The following AFF3 variants were observed in gnomAD, a reference collection of about 807,000 sequenced individuals.
The protein encoded by AFF3 is AF4/FMR2 family member 3.
A neutral mutation model predicts 129.7 loss-of-function variants in AFF3; 32 were observed. The ratio of observed to expected loss-of-function variants is 0.25; its 90% CI spans 0.19 to 0.33. AFF3 has a LOEUF of 0.33. Among genes scored for constraint, AFF3 ranks in the 10% least tolerant of loss-of-function variants. The pLI is 1.00. For missense variants in AFF3, 1,373 were observed against 1,592.0 expected (o/e 0.86, Z 2.34); for synonymous variants, 644 against 635.4 (o/e 1.01, Z -0.20).
intron 13 of AFF3, among the ~76,000 whole-genome samples, chr2:99,638,741 G>A (rs543031622): frequency 6.6e-6 from 1 of 152,328 alleles, no homozygotes; most frequent in Non-Finnish European, 1.5e-5. Context: ...GGCATCTGCA[G>A]GATGTTTGCT....
chr2:99,669,080 G>A (rs1205625977), intron 12 of AFF3, among the ~76,000 whole-genome samples: 5 of 152,114 alleles, frequency 3.3e-5, no homozygotes, highest in South Asian at 2.1e-4. Context: ...TGGGACTTTC[G>A]ACTGGTACAA....
chr2:99,595,911 A>G (rs1679239906), intron 14 of AFF3, among the ~76,000 whole-genome samples: 1 of 152,214 alleles, frequency 6.6e-6, no homozygotes, highest in Non-Finnish European at 1.5e-5. Context: ...GATGGGACCA[A>G]CTGCCCTTTG....
chr2:100,139,418 T>G (rs1298858810), intron 1 of AFF3, among the ~76,000 whole-genome samples: 1 of 152,188 alleles, frequency 6.6e-6, no homozygotes, highest in African/African-American at 2.4e-5. Flanking sequence ...ATGGTAATTT[T>G]TCCATAAAGA....
chr2:99,577,576 T>C (rs1677119958), intron 18 of AFF3, among the ~76,000 whole-genome samples: 1 of 152,238 alleles, frequency 6.6e-6, no homozygotes, highest in Non-Finnish European at 1.5e-5. Context: ...TTTTTCCTTG[T>C]TCACCCAGCC....
At chr2:100,134,915 G>C (rs1178969647) in intron 1 of AFF3, among the ~76,000 whole-genome samples, 1 of 152,206 alleles carries the variant, frequency 6.6e-6, no homozygotes, top group Non-Finnish European at 1.5e-5. Flanking sequence ...CAGTGAACAG[G>C]GAGAGGCTGG....
chr2:99,744,453 T>C (rs1052040104), intron 9 of AFF3, among the ~76,000 whole-genome samples: 1 of 152,232 alleles, frequency 6.6e-6, no homozygotes, highest in Admixed American at 6.5e-5. Context: ...TTCATAAGGT[T>C]GTGCAACCAC....
chr2:99,553,918 CAAAAAAAAA>C lies in AFF3; in HGVS notation c.3559+384_3559+392del, dbSNP rs61326965. Among the ~76,000 whole-genome samples the C allele has an allele frequency of 3.3e-4, 19 of 56,974 alleles. 1 individual carries two copies. In the South Asian group the frequency reaches 0.013, roughly 38 times the overall value. 37.4% of individuals were successfully genotyped at this position (56,974 alleles called of 152,430 possible). ...AACAGAGCAAGATTCTGTCTCAAAC[CAAAAAAAAA>C]AAAAAAAAAAAAAAGAAAAAGAAAA... On this transcript the variant is annotated intron_variant, in intron 24 of 24. Transcript: ENST00000672756.
At chr2:99,945,260 T>C (rs893753676) in intron 7 of AFF3, among the ~76,000 whole-genome samples, 2 of 152,188 alleles carry the variant, frequency 1.3e-5, no homozygotes, top group African/African-American at 4.8e-5. Flanking sequence ...GCAAAACTAG[T>C]AGCAAAACAG....
chr2:100,095,175 G>C (rs1690187700), intron 4 of AFF3, among the ~76,000 whole-genome samples: 1 of 149,602 alleles, frequency 6.7e-6, no homozygotes. Flanking sequence ...TTTATTGATA[G>C]TAAACTGTAT....
chr2:99,875,209 C>A (rs1410210767), intron 7 of AFF3, among the ~76,000 whole-genome samples: 2 of 152,088 alleles, frequency 1.3e-5, no homozygotes, highest in Non-Finnish European at 2.9e-5. Context: ...AACCTCTGGG[C>A]CCTTGTCTCT....
chr2:99,624,821 A>G (rs1226216101), intron 13 of AFF3, among the ~76,000 whole-genome samples: 1 of 152,226 alleles, frequency 6.6e-6, no homozygotes, highest in Non-Finnish European at 1.5e-5. Context: ...CATGCTTCAG[A>G]GAAAGTGGCA....
intron 11 of AFF3, among the ~76,000 whole-genome samples, chr2:99,710,076 C>CA (rs1000238895): frequency 6.6e-6 from 1 of 152,196 alleles, no homozygotes. Context: ...CTTATCTATA[C>CA]AATGGGATAT....
intron 4 of AFF3, among the ~76,000 whole-genome samples, chr2:100,076,410 G>A (rs781369808): frequency 3.3e-5 from 5 of 152,094 alleles, no homozygotes; most frequent in South Asian, 2.1e-4. Flanking sequence ...AAAAAGCCTC[G>A]ATACCTGAAA....
chr2:100,002,204 T>A (rs1441993326), intron 7 of AFF3, among the ~76,000 whole-genome samples: 1 of 152,246 alleles, frequency 6.6e-6, no homozygotes, highest in African/African-American at 2.4e-5. Context: ...GGCATGAATA[T>A]GTAATGTACA....
chr2:100,107,207 T>A, intron 2 of AFF3: 1 of 985,420 alleles, frequency 1.0e-6, no homozygotes, highest in Non-Finnish European at 1.2e-6. Context: ...TGTTTTTTAC[T>A]AAGCTGTCAT....
chr2:99,810,203 G>A (rs1686680245), intron 8 of AFF3, among the ~76,000 whole-genome samples: 1 of 152,172 alleles, frequency 6.6e-6, no homozygotes, highest in African/African-American at 2.4e-5. Context: ...AAAAAAGATG[G>A]ATAACGTGAA....
chr2:99,578,295 C>T (rs773369272), intron 18 of AFF3, 32 bp downstream of exon 18: 1 of 1,573,492 alleles, frequency 6.4e-7, no homozygotes, highest in Non-Finnish European at 8.6e-7. Context: ...TCTGTCTTGC[C>T]CCTCACCACA....
chr2:99,621,935 C>T (rs1223501177), intron 13 of AFF3, among the ~76,000 whole-genome samples: 2 of 152,102 alleles, frequency 1.3e-5, no homozygotes, highest in African/African-American at 4.8e-5. Flanking sequence ...AACCATTTAT[C>T]CTTCCTTCAA....
At chr2:99,691,374 A>C (rs1309234844) in intron 11 of AFF3, among the ~76,000 whole-genome samples, 2 of 152,198 alleles carry the variant, frequency 1.3e-5, no homozygotes, top group Non-Finnish European at 2.9e-5. Flanking sequence ...GGTTTGGGAC[A>C]GAGTGTTATT....
Sources: gnomAD v4.1 joint callset for allele counts (sites outside exome capture counted in the v4.1 genomes callset) on GRCh38, gnomAD v4.1.1 for gene constraint, MANE v1.5 for transcripts, NCBI Gene and HGNC (gene_info 2026-07-23, HGNC 2026-07-21) for gene names.